The following SPMIP4 variants were observed in gnomAD, a reference collection of about 807,000 sequenced individuals.
SPMIP4 encodes the protein sperm-associated microtubule inner protein 4.
the SPMIP4 span, among the ~76,000 whole-genome samples, chr7:25,146,939 C>T: frequency 0.6 from 91,341 of 151,984 alleles, 28,548 homozygotes; most frequent in Non-Finnish European, 0.69. Flanking sequence ...TCTTGAGAAA[C>T]AGGACAAAAG....
chr7:25,161,132 T>G, the SPMIP4 span: 1 of 1,037,408 alleles, frequency 9.6e-7, no homozygotes, highest in Non-Finnish European at 1.4e-6. Flanking sequence ...CTCATATAAC[T>G]CATTTCCACT....
the SPMIP4 span, chr7:25,136,697 G>A: frequency 2.5e-6 from 4 of 1,614,160 alleles, no homozygotes; most frequent in Non-Finnish European, 3.4e-6. This position sits in a 1 kb window ranked among gnomAD's most constrained non-coding sequence, Gnocchi z 5.7. Flanking sequence ...GGTCTTTGCT[G>A]GACTATAGCC....
chr7:25,177,414 C>T, the SPMIP4 span, among the ~76,000 whole-genome samples: 5 of 152,056 alleles, frequency 3.3e-5, no homozygotes, highest in Admixed American at 1.3e-4. Flanking sequence ...ACCCAGGAGG[C>T]GGAGGTTGCA....
At chr7:25,162,643 C>T in the SPMIP4 span, among the ~76,000 whole-genome samples, 3 of 151,998 alleles carry the variant, frequency 2.0e-5, no homozygotes, top group South Asian at 2.1e-4. Context: ...TATAGATGGC[C>T]GGGAGTGTGA....
At chr7:25,154,712 T>A in the SPMIP4 span, among the ~76,000 whole-genome samples, 87,650 of 151,840 alleles carry the variant, frequency 0.58, 25,570 homozygotes, top group Middle Eastern at 0.64. Flanking sequence ...AGGAAAGAAA[T>A]AAAAATAGAA....
the SPMIP4 span, chr7:25,136,499 G>C: frequency 1.9e-6 from 3 of 1,614,010 alleles, no homozygotes; most frequent in Admixed American, 1.7e-5. This position sits in a 1 kb window ranked among gnomAD's most constrained non-coding sequence, Gnocchi z 5.7. Context: ...TCTTTTGTTG[G>C]GTAACAAGAT....
the SPMIP4 span, among the ~76,000 whole-genome samples, chr7:25,157,417 G>T: frequency 9.5e-3 from 1,444 of 152,298 alleles, 36 homozygotes; most frequent in East Asian, 0.076. Flanking sequence ...AGGAAAGAAA[G>T]AGTGTGTGTG....
the SPMIP4 span, among the ~76,000 whole-genome samples, chr7:25,148,961 A>T: frequency 2.6e-5 from 4 of 152,216 alleles, no homozygotes; most frequent in African/African-American, 9.6e-5. Flanking sequence ...CCTATAGAAA[A>T]CAGAAGTGAG....
chr7:25,130,226 A>G, the SPMIP4 span, among the ~76,000 whole-genome samples: 1 of 151,184 alleles, frequency 6.6e-6, no homozygotes, highest in African/African-American at 2.5e-5. Flanking sequence ...CCTGGGCGAC[A>G]GAGAAAGACT....
the SPMIP4 span, chr7:25,179,307 A>C: frequency 6.2e-7 from 1 of 1,606,934 alleles, no homozygotes. Flanking sequence ...AATGACTTCC[A>C]TGCTTCTTGG....
At chr7:25,136,281 A>C in the SPMIP4 span, 2 of 1,614,138 alleles carry the variant, frequency 1.2e-6, no homozygotes, top group Middle Eastern at 1.6e-4. The surrounding 1 kb of genome is among the most constrained non-coding windows in gnomAD (Gnocchi z 5.7). Context: ...TTTGTAAAAC[A>C]CTAGGTTTAC....
At chr7:25,174,385 T>C in the SPMIP4 span, among the ~76,000 whole-genome samples, 5 of 152,154 alleles carry the variant, frequency 3.3e-5, no homozygotes, top group South Asian at 2.1e-4. This position sits in a 1 kb window ranked among gnomAD's most constrained non-coding sequence, Gnocchi z 4.5. Flanking sequence ...TCTCTAGCGA[T>C]AGAAAATTGT....
chr7:25,179,395 A>G, the SPMIP4 span: 1 of 1,465,188 alleles, frequency 6.8e-7, no homozygotes, highest in South Asian at 1.3e-5. Context: ...AACACATTTT[A>G]CACTGCTAAA....
At chr7:25,147,765 A>G in the SPMIP4 span, among the ~76,000 whole-genome samples, 12 of 152,180 alleles carry the variant, frequency 7.9e-5, no homozygotes, top group Admixed American at 2.6e-4. Context: ...AGCAGCTAAT[A>G]TTTATTATGA....
the SPMIP4 span, among the ~76,000 whole-genome samples, chr7:25,131,831 C>T: frequency 6.6e-6 from 1 of 152,210 alleles, no homozygotes; most frequent in Non-Finnish European, 1.5e-5. This position sits in a 1 kb window ranked among gnomAD's most constrained non-coding sequence, Gnocchi z 4.2. Context: ...CTTAGCCCTG[C>T]AGGAACAATG....
chr7:25,172,035 T>C, the SPMIP4 span, among the ~76,000 whole-genome samples: 2 of 152,150 alleles, frequency 1.3e-5, no homozygotes, highest in African/African-American at 4.8e-5. This position sits in a 1 kb window ranked among gnomAD's most constrained non-coding sequence, Gnocchi z 4.2. Context: ...GTAGGAGTTA[T>C]CTAGAGGAAA....
chr7:25,137,805 CACATTCTGAGGT>C, the SPMIP4 span, among the ~76,000 whole-genome samples: 1 of 152,148 alleles, frequency 6.6e-6, no homozygotes, highest in Non-Finnish European at 1.5e-5. Context: ...CAAATAAGGT[CACATTCTGAGGT>C]ACTTGGGATT....
the SPMIP4 span, chr7:25,161,184 C>A: frequency 6.6e-7 from 1 of 1,519,540 alleles, no homozygotes; most frequent in Non-Finnish European, 8.9e-7. Context: ...AAAACCCAGA[C>A]TTACAAAGAA....
At chr7:25,154,866 A>T in the SPMIP4 span, 1 of 733,192 alleles carries the variant, frequency 1.4e-6, no homozygotes, top group Non-Finnish European at 2.2e-6. Flanking sequence ...GCTGATTTGT[A>T]AAGTCGCAGC....
Sources: allele counts gnomAD v4.1 joint callset (sites outside exome capture counted in the v4.1 genomes callset), GRCh38; gene constraint gnomAD v4.1.1; non-coding constraint Gnocchi (gnomAD v3.1); transcripts MANE v1.5; gene names NCBI Gene and HGNC (gene_info 2026-07-23, HGNC 2026-07-21).